Variants in PACRG observed in about 807,000 individuals in gnomAD.
PACRG encodes the protein parkin coregulated gene protein.
In PACRG, 29 loss-of-function variants were observed where a neutral mutation model predicts 29.7. The observed-to-expected ratio is 0.98, with a 90% CI of 0.73 to 1.33. The LOEUF (loss-of-function observed/expected upper bound fraction) is 1.33, where lower values mean the gene tolerates loss of function less well. PACRG is among the 40% of genes most tolerant of loss of function. PACRG has a pLI of 0.00. For missense variants in PACRG, 279 were observed against 316.2 expected (o/e 0.88, Z 0.89); for synonymous variants, 116 against 118.7 (o/e 0.98, Z 0.15).
intron 2 of PACRG, among the ~76,000 whole-genome samples, chr6:163,041,112 C>T (rs748834888): frequency 5.3e-5 from 8 of 151,908 alleles, no homozygotes; most frequent in Non-Finnish European, 7.4e-5. Context: ...CCAAGGCGGG[C>T]GGATCACGAG....
At chr6:163,309,047 A>C (rs751555669) in intron 4 of PACRG, among the ~76,000 whole-genome samples, 6 of 152,104 alleles carry the variant, frequency 3.9e-5, no homozygotes, top group Admixed American at 6.5e-5. Context: ...TTTAAATTCC[A>C]CTCAGTGTTG....
chr6:162,863,740 C>G (rs1792064537), intron 2 of PACRG, among the ~76,000 whole-genome samples: 1 of 152,210 alleles, frequency 6.6e-6, no homozygotes, highest in Non-Finnish European at 1.5e-5. Flanking sequence ...TAAGGAACCA[C>G]AGACTCAGAG....
At chr6:162,856,985 A>G (rs1584559867) in intron 2 of PACRG, among the ~76,000 whole-genome samples, 2 of 152,200 alleles carry the variant, frequency 1.3e-5, no homozygotes, top group East Asian at 3.9e-4. Flanking sequence ...GTGGCTCACT[A>G]TGAATGTGCT....
rs536866474 is a variant in PACRG, at chr6:163,084,359, C to T, written c.464-4900C>T. Among the ~76,000 whole-genome samples the T allele has an allele frequency of 3.2e-3, 489 of 152,194 alleles. 3 individuals carry two copies. Among genetic ancestry groups the T allele is most frequent in the African/African-American group, 0.011 (469 of 41,508 alleles). Reference sequence around the variant, plus strand: ...AAAAAAAATCTTTTTGCTTTAATTCCGCTGTGACAGTAAGAACAAAAAGAC... The same window carrying T: ...AAAAAAAATCTTTTTGCTTTAATTCTGCTGTGACAGTAAGAACAAAAAGAC... On this transcript the variant is annotated intron_variant, in intron 3 of 4. Transcript: ENST00000366888.
chr6:163,073,397 A>G (rs150153786), intron 3 of PACRG, among the ~76,000 whole-genome samples: 5,580 of 152,272 alleles, frequency 0.037, 340 homozygotes, highest in African/African-American at 0.12. Flanking sequence ...GAATGAAACT[A>G]GACCCCCATC....
intron 4 of PACRG, among the ~76,000 whole-genome samples, chr6:163,314,366 C>T (rs1785562194): frequency 6.6e-6 from 1 of 152,198 alleles, no homozygotes; most frequent in Admixed American, 6.5e-5. Context: ...AAAGAGTTTG[C>T]CATGTGTTCA....
At chr6:163,092,531 A>G (rs1022988828) in intron 4 of PACRG, among the ~76,000 whole-genome samples, 5 of 152,354 alleles carry the variant, frequency 3.3e-5, no homozygotes, top group Admixed American at 3.3e-4. Flanking sequence ...ATTAGGCTAT[A>G]GTTAAAACAA....
At chr6:163,138,045 A>G (rs1585256774) in intron 4 of PACRG, among the ~76,000 whole-genome samples, 1 of 152,242 alleles carries the variant, frequency 6.6e-6, no homozygotes, top group South Asian at 2.1e-4. Context: ...ACGACAGTAC[A>G]TAAGAAGGAG....
At chr6:163,035,355 A>G (rs1450650544) in intron 2 of PACRG, among the ~76,000 whole-genome samples, 3 of 152,130 alleles carry the variant, frequency 2.0e-5, no homozygotes, top group Non-Finnish European at 4.4e-5. Context: ...TCTACTAGAA[A>G]TACAAAAATT....
At chr6:163,087,173 G>T (rs1813640386) in intron 3 of PACRG, among the ~76,000 whole-genome samples, 1 of 152,198 alleles carries the variant, frequency 6.6e-6, no homozygotes, top group Non-Finnish European at 1.5e-5. Context: ...CAGAGGAGTA[G>T]CAATAAGAAT....
chr6:163,195,019 C>T (rs1279037803), intron 4 of PACRG, among the ~76,000 whole-genome samples: 1 of 152,200 alleles, frequency 6.6e-6, no homozygotes, highest in Non-Finnish European at 1.5e-5. Flanking sequence ...TCTCCTCCCT[C>T]CTGGGACTGG....
rs544577131 is a variant in PACRG at position 162,995,707 on chromosome 6, C to T, written c.292-66443C>T. 5.3e-5 allele frequency among the ~76,000 whole-genome samples: 8 copies of T among 152,356 alleles called. No individual in the cohort carries two copies. In the South Asian group the frequency reaches 6.2e-4, roughly 12 times the overall value. ...TGCAGAAATCACCCGTCTTCTGCGT[C>T]GCTCACGCTGGGAGCTGTAGACCGG... On this transcript the variant is annotated intron_variant, in intron 2 of 4. Coordinates refer to ENST00000366888, the MANE Select transcript of PACRG (RefSeq NM_001080379.2).
intron 4 of PACRG, among the ~76,000 whole-genome samples, chr6:163,133,623 G>A (rs1816819524): frequency 6.6e-6 from 1 of 152,230 alleles, no homozygotes; most frequent in African/African-American, 2.4e-5. Context: ...CACAAGCAAA[G>A]AGATGCTGTA....
At chr6:162,934,180 C>T (rs769045924) in intron 2 of PACRG, among the ~76,000 whole-genome samples, 2 of 151,976 alleles carry the variant, frequency 1.3e-5, no homozygotes, top group Non-Finnish European at 2.9e-5. Flanking sequence ...AGGAGAATTG[C>T]TTGAGCTGGG....
intron 1 of PACRG, among the ~76,000 whole-genome samples, chr6:162,761,103 T>C (rs2128291028): frequency 6.6e-6 from 1 of 152,300 alleles, no homozygotes; most frequent in Middle Eastern, 3.4e-3. Context: ...TGGTGGCTGA[T>C]GCCCCAGCCC....
chr6:163,291,354 AC>A (rs767188999), intron 4 of PACRG, among the ~76,000 whole-genome samples: 206 of 110,258 alleles, frequency 1.9e-3, no homozygotes, highest in Middle Eastern at 5.3e-3. Context: ...CTGCAAGATG[AC>A]CCCTCTGCCC....
At chr6:163,026,749 T>C (rs1807170701) in intron 2 of PACRG, among the ~76,000 whole-genome samples, 1 of 152,190 alleles carries the variant, frequency 6.6e-6, no homozygotes, top group South Asian at 2.1e-4. Context: ...TGGGAGCACT[T>C]AGCAAATATT....
At chr6:162,810,726 A>T (rs139671491) in intron 1 of PACRG, among the ~76,000 whole-genome samples, 2 of 152,314 alleles carry the variant, frequency 1.3e-5, no homozygotes, top group East Asian at 3.9e-4. Context: ...AAGATAGAGC[A>T]GTAGAAGTTA....
intron 1 of PACRG, among the ~76,000 whole-genome samples, chr6:162,772,457 A>G (rs1783297085): frequency 6.6e-6 from 1 of 152,228 alleles, no homozygotes; most frequent in African/African-American, 2.4e-5. Flanking sequence ...AAAGAGTAAA[A>G]TAAAATTTGG....
Sources: gnomAD v4.1 joint callset for allele counts (sites outside exome capture counted in the v4.1 genomes callset) on GRCh38, gnomAD v4.1.1 for gene constraint, MANE v1.5 for transcripts, NCBI Gene and HGNC (gene_info 2026-07-23, HGNC 2026-07-21) for gene names.